The following COQ10B variants were observed in gnomAD, a reference collection of about 807,000 sequenced individuals.
The protein encoded by COQ10B is coenzyme Q10B, also known as coenzyme Q-binding protein COQ10 homolog B, mitochondrial.
A neutral mutation model predicts 27.6 loss-of-function variants in COQ10B; 12 were observed. The observed-to-expected ratio is 0.43, with a 90% CI of 0.28 to 0.70. COQ10B has a LOEUF of 0.70. COQ10B is among the 30% of genes least tolerant of loss of function. COQ10B has a pLI of 0.17. For missense variants in COQ10B, 278 were observed against 288.7 expected, an observed-to-expected ratio of 0.96 and a Z score of 0.27; for synonymous variants, 115 against 103.0, an observed-to-expected ratio of 1.12 and a Z score of -0.71.
intron 1 of COQ10B, 73 bp from the exon 2 acceptor site, chr2:197,459,859 T>C: frequency 8.5e-7 from 1 of 1,172,140 alleles, no homozygotes; most frequent in Non-Finnish European, 1.2e-6. Context: ...ATAATTACTT[T>C]ATAGTTTCTA....
intron 1 of COQ10B, among the ~76,000 whole-genome samples, chr2:197,455,663 T>C (rs2085689748): frequency 6.7e-6 from 1 of 148,326 alleles, no homozygotes; most frequent in African/African-American, 2.5e-5. Flanking sequence ...AGACCCTGTC[T>C]CAAAAAATAA....
At chr2:197,460,894 TGGG>T (rs2085750465) in intron 2 of COQ10B, among the ~76,000 whole-genome samples, 1 of 152,220 alleles carries the variant, frequency 6.6e-6, no homozygotes, top group African/African-American at 2.4e-5. Flanking sequence ...AAACAGGCGA[TGGG>T]CCAGGTGTGG....
rs1248311013 is a variant in COQ10B at position 197,474,887 on chromosome 2, C to T, written c.*963C>T. The T allele has an allele frequency of 2.0e-5, 3 of 150,460 alleles. No homozygotes were observed. Among genetic ancestry groups the T allele is most frequent in the East Asian group, 1.9e-4 (1 of 5,256 alleles). 9.3% of individuals were successfully genotyped at this position (150,460 alleles called of 1,614,324 possible). ...TTTTCCAGTAGTTTGCCACTTTCTC[C>T]GAGGTAGTTTGGCTGCTCTTTCAGT... is the stretch of plus-strand genomic sequence containing the variant. On this transcript the variant is annotated 3_prime_UTR_variant, in exon 5 of 5. Transcript: ENST00000263960.
intron 2 of COQ10B, among the ~76,000 whole-genome samples, chr2:197,461,188 A>T (rs1279157318): frequency 1.3e-5 from 2 of 152,134 alleles, no homozygotes; most frequent in Non-Finnish European, 2.9e-5. Flanking sequence ...TATAGATAAT[A>T]CCCAAGAGTT....
At chr2:197,463,869 G>C (rs1480605000) in intron 3 of COQ10B, among the ~76,000 whole-genome samples, 1 of 140,526 alleles carries the variant, frequency 7.1e-6, no homozygotes, top group Non-Finnish European at 1.5e-5. Context: ...AGGAGGCAGA[G>C]GTTGCAGTGA....
chr2:197,473,455 T>C (rs57472383), intron 4 of COQ10B, among the ~76,000 whole-genome samples: 5 of 119,456 alleles, frequency 4.2e-5, no homozygotes, highest in African/African-American at 1.7e-4. Flanking sequence ...CATATATACA[T>C]ATATATATAT....
intron 3 of COQ10B, among the ~76,000 whole-genome samples, chr2:197,463,952 A>T (rs2085788993): frequency 1.3e-5 from 1 of 78,852 alleles, no homozygotes; most frequent in Non-Finnish European, 2.3e-5. Flanking sequence ...AAAAAAAAAA[A>T]AAAAAAAAAA....
At chr2:197,458,479 T>A (rs1217074469) in intron 1 of COQ10B, among the ~76,000 whole-genome samples, 4 of 152,262 alleles carry the variant, frequency 2.6e-5, no homozygotes, top group Middle Eastern at 6.8e-3. Flanking sequence ...TTTGAATCAA[T>A]CTTCAACTAG....
At chr2:197,464,227 TAAAAAC>T (rs1439419037) in intron 3 of COQ10B, among the ~76,000 whole-genome samples, 1 of 151,550 alleles carries the variant, frequency 6.6e-6, no homozygotes, top group Non-Finnish European at 1.5e-5. Flanking sequence ...GTACCGACCT[TAAAAAC>T]AAAAAGGCAG....
At chr2:197,471,105 TA>T (rs565722626) in intron 4 of COQ10B, among the ~76,000 whole-genome samples, 30 of 152,204 alleles carry the variant, frequency 2.0e-4, no homozygotes, top group Admixed American at 4.6e-4. Context: ...TAAGGTAATA[TA>T]TTTTTTTCAT....
Position 197,475,221 on chromosome 2 carries a change from A to G in COQ10B, c.*1297A>G, listed in dbSNP as rs2085937722. ...TGTTACAGCATTTCATGTCTTAAAA[A>G]TATCTATGAAGATATCTAAAATATC... is the stretch of plus-strand genomic sequence containing the variant. On this transcript the variant is annotated 3_prime_UTR_variant, in exon 5 of 5. Coordinates refer to ENST00000263960, the MANE Select transcript of COQ10B (RefSeq NM_025147.5). 1 of 152,326 alleles carries G rather than the reference A, an allele frequency of 6.6e-6. No individual in the cohort carries two copies. Among genetic ancestry groups the G allele is most frequent in the South Asian group, 2.1e-4 (1 of 4,838 alleles). The allele number at this position is 152,326 out of a possible 1,614,324, so 9.4% of individuals were successfully genotyped here. A position where few individuals can be genotyped will look rare whatever the true frequency, so the allele number is the denominator to read the frequency against.
intron 2 of COQ10B, among the ~76,000 whole-genome samples, chr2:197,460,570 C>T (rs1398205725): frequency 6.6e-6 from 1 of 152,136 alleles, no homozygotes; most frequent in African/African-American, 2.4e-5. Context: ...AAATCTTTGA[C>T]ATGTAAAGAA....
At position 197,473,878 on chromosome 2, in the gene COQ10B, C is replaced by G. The variant is rs2085919958; in HGVS notation, c.671C>G (p.Thr224Arg). ...RRACKLYGPE[T>R]NIPRELMLHE... ...GCATGTAAGCTGTATGGTCCAGAAA[C>G]AAATATACCTCGGGAGTTAATGCTT... Residue 224 changes from threonine (T) to arginine (R), a missense_variant, in exon 5 of 5, where the codon ACA (threonine) becomes AGA (arginine). Physicochemically the swap from Thr to Arg is moderately conservative, Grantham distance 71. Coordinates refer to ENST00000263960, the MANE Select transcript of COQ10B (RefSeq NM_025147.5). The G allele has an allele frequency of 1.2e-5, 19 of 1,592,144 alleles. No homozygotes were observed. The highest frequency in any genetic ancestry group is 1.6e-5 in the Non-Finnish European group (19 of 1,166,638).
At chr2:197,465,963 G>A (rs1559293872) in intron 3 of COQ10B, among the ~76,000 whole-genome samples, 1 of 151,998 alleles carries the variant, frequency 6.6e-6, no homozygotes, top group Non-Finnish European at 1.5e-5. Context: ...GTGGTGGTGA[G>A]TGCCTATAAT....
At chr2:197,472,135 GT>G (rs200237360) in intron 4 of COQ10B, among the ~76,000 whole-genome samples, 106 of 143,942 alleles carry the variant, frequency 7.4e-4, no homozygotes, top group African/African-American at 1.1e-3. Context: ...TTATTTTGTA[GT>G]TTTTTTTTTT....
intron 1 of COQ10B, among the ~76,000 whole-genome samples, chr2:197,457,762 C>T (rs2085715277): frequency 6.6e-6 from 1 of 151,980 alleles, no homozygotes; most frequent in African/African-American, 2.4e-5. Context: ...GCTGGGATTA[C>T]AGGCACGTGC....
intron 1 of COQ10B, among the ~76,000 whole-genome samples, chr2:197,455,486 T>C (rs1264009730): frequency 6.6e-6 from 1 of 151,704 alleles, no homozygotes; most frequent in East Asian, 1.9e-4. Context: ...TGTGTGTGTG[T>C]GTATACACAT....
At chr2:197,455,096 C>T (rs2085681936) in intron 1 of COQ10B, among the ~76,000 whole-genome samples, 1 of 151,896 alleles carries the variant, frequency 6.6e-6, no homozygotes, top group South Asian at 2.1e-4. Context: ...TTTCCTTAGG[C>T]TTGTAATCAG....
intron 2 of COQ10B, among the ~76,000 whole-genome samples, chr2:197,460,403 G>C (rs1239500456): frequency 6.6e-6 from 1 of 152,000 alleles, no homozygotes; most frequent in Non-Finnish European, 1.5e-5. Context: ...GTGTTGGCCA[G>C]GCTGGTCTCA....
Sources: gnomAD v4.1 joint callset for allele counts (sites outside exome capture counted in the v4.1 genomes callset) on GRCh38, gnomAD v4.1.1 for gene constraint, MANE v1.5 for transcripts, NCBI Gene and HGNC (gene_info 2026-07-23, HGNC 2026-07-21) for gene names.